Variants in ENTHD1 observed in about 807,000 individuals in gnomAD.
The protein encoded by ENTHD1 is ENTH domain-containing protein 1.
A neutral mutation model predicts 39.1 loss-of-function variants in ENTHD1; 23 were observed. The ratio of observed to expected loss-of-function variants is 0.59; its 90% confidence interval spans 0.42 to 0.83. The LOEUF is 0.83. Among genes scored for constraint, ENTHD1 ranks in the 40% least tolerant of loss-of-function variants. ENTHD1 has a pLI of 0.00. For missense variants in ENTHD1, 624 were observed against 705.4 expected (o/e 0.88, Z 1.31); for synonymous variants, 230 against 258.2 (o/e 0.89, Z 1.05).
intron 5 of ENTHD1, among the ~76,000 whole-genome samples, chr22:39,795,144 T>G (rs1026620830): frequency 6.6e-6 from 1 of 152,228 alleles, no homozygotes; most frequent in Non-Finnish European, 1.5e-5. Flanking sequence ...CTTTTTGATG[T>G]GCTGTTGGAT....
intron 5 of ENTHD1, among the ~76,000 whole-genome samples, chr22:39,803,183 C>T (rs1178264239): frequency 6.6e-6 from 1 of 152,140 alleles, no homozygotes; most frequent in Non-Finnish European, 1.5e-5. Context: ...TCTCTGATCT[C>T]TCACACCACC....
At chr22:39,744,355 T>C in intron 6 of ENTHD1, 72 bp from the exon 7 acceptor site, 3 of 1,388,478 alleles carry the variant, frequency 2.2e-6, no homozygotes, top group South Asian at 1.5e-5. Context: ...AATAATTTTA[T>C]AATGTAAAAG....
chr22:39,877,388 A>C (rs935006458), intron 2 of ENTHD1, among the ~76,000 whole-genome samples: 4 of 152,206 alleles, frequency 2.6e-5, no homozygotes, highest in African/African-American at 9.7e-5. Context: ...CTAACAAGTA[A>C]AAAGCTGAAC....
chr22:39,870,121 A>G (rs186679945), intron 2 of ENTHD1, among the ~76,000 whole-genome samples: 125 of 152,102 alleles, frequency 8.2e-4, no homozygotes, highest in African/African-American at 2.9e-3. Flanking sequence ...GGTTCAAGCA[A>G]TTCTCATGCC....
In ENTHD1 at chr22:39,791,341, G is replaced by C. The variant is rs1362797325; in HGVS notation, c.833-25732C>G. Among the ~76,000 whole-genome samples the C allele has an allele frequency of 2.7e-5, 4 of 148,656 alleles. No individual in the cohort carries two copies. In the East Asian group the frequency reaches 7.8e-4, roughly 29 times the overall value. On this transcript the variant is annotated intron_variant, in intron 5 of 6. Transcript: ENST00000325157. Reference sequence around the variant, plus strand: ...TAAAGATATATTAAATATATATAAAGATATATTAAAAATATATGAAGATAT... The same window carrying C: ...TAAAGATATATTAAATATATATAAACATATATTAAAAATATATGAAGATAT...
In ENTHD1 at chr22:39,887,456, C is replaced by T. The variant is rs780104599; in HGVS notation, c.293G>A (p.Cys98Tyr). The change falls in exon 2 of 7, where the codon TGT becomes TAT. Residue 98 changes from cysteine to tyrosine, a missense_variant. Transcript: ENST00000325157. ...AAAATCTTTTAGTGTTTGAAGGTTA[C>T]AGAACCCCTCTCTGCAATGCTGAAT... ...KVIQHCREGF[C>Y]NLQTLKDFQH... is the part of the protein sequence containing the mutation. The T allele has an allele frequency of 1.9e-6, 3 of 1,613,878 alleles. No individual in the cohort carries two copies. The highest frequency in any genetic ancestry group is 1.1e-5 in the South Asian group (1 of 91,018).
rs1330947654 is a variant in ENTHD1 at position 39,743,939 on chromosome 22, C to T, written c.1564G>A (p.Asp522Asn). The T allele has an allele frequency of 6.2e-7, 1 of 1,614,110 alleles. No homozygotes were observed. Among genetic ancestry groups the T allele is most frequent in the African/African-American group, 1.3e-5 (1 of 75,036 alleles). The stretch of plus-strand genomic sequence containing the variant: ...GAACAGGACAGAGGGATGAACTGGT[C>T]TACATTTTGGGTGGAAAACTCCCCC... Reference protein sequence around the residue: ...HWGEFSTQNVDQFIPLSCSGF... With the variant: ...HWGEFSTQNVNQFIPLSCSGF... Residue 522 changes from aspartate (D) to asparagine (N), a missense_variant, in exon 7 of 7, where the codon GAC (aspartate) becomes AAC (asparagine). Physicochemically the swap from Asp to Asn is conservative, Grantham distance 23. Coordinates refer to ENST00000325157, the MANE Select transcript of ENTHD1 (RefSeq NM_152512.4).
chr22:39,887,005 T>C (rs1391400857), intron 2 of ENTHD1, among the ~76,000 whole-genome samples: 1 of 152,194 alleles, frequency 6.6e-6, no homozygotes, highest in African/African-American at 2.4e-5. Context: ...GAAACCTAAG[T>C]GTGTTCACTT....
chr22:39,797,073 G>A (rs1183289925), intron 5 of ENTHD1, among the ~76,000 whole-genome samples: 5 of 152,136 alleles, frequency 3.3e-5, no homozygotes, highest in South Asian at 4.1e-4. Context: ...ATTTAGAATT[G>A]TTATATCCTC....
intron 3 of ENTHD1, among the ~76,000 whole-genome samples, chr22:39,844,972 G>A (rs936266697): frequency 6.6e-6 from 1 of 152,000 alleles, no homozygotes; most frequent in Non-Finnish European, 1.5e-5. Flanking sequence ...TAGGTAGAAT[G>A]AGCAGGACCT....
At chr22:39,807,388 C>G (rs1370116460) in intron 5 of ENTHD1, among the ~76,000 whole-genome samples, 1 of 152,168 alleles carries the variant, frequency 6.6e-6, no homozygotes, top group Non-Finnish European at 1.5e-5. Flanking sequence ...CACTTTCACT[C>G]TCTAAAGTGG....
At chr22:39,798,679 G>C (rs1316566476) in intron 5 of ENTHD1, among the ~76,000 whole-genome samples, 1 of 152,198 alleles carries the variant, frequency 6.6e-6, no homozygotes, top group East Asian at 1.9e-4. Context: ...AGTAGAAACA[G>C]ACACTAACGG....
intron 5 of ENTHD1, among the ~76,000 whole-genome samples, chr22:39,811,155 C>A (rs1844957036): frequency 6.6e-6 from 1 of 152,208 alleles, no homozygotes; most frequent in Admixed American, 6.5e-5. Context: ...GTCAGGATAT[C>A]CCCTCTAAAG....
chr22:39,888,460 C>T (rs2066401474), intron 1 of ENTHD1, among the ~76,000 whole-genome samples: 1 of 151,520 alleles, frequency 6.6e-6, no homozygotes, highest in Non-Finnish European at 1.5e-5. Context: ...TAGAGTCTCC[C>T]TCTGTTGCCC....
At chr22:39,753,866 T>C (rs1837770590) in intron 6 of ENTHD1, among the ~76,000 whole-genome samples, 2 of 152,204 alleles carry the variant, frequency 1.3e-5, no homozygotes, top group South Asian at 4.1e-4. Context: ...TCTCCCATTC[T>C]TTTTAACATA....
At chr22:39,876,223 T>C in intron 2 of ENTHD1, 1 of 1,224,344 alleles carries the variant, frequency 8.2e-7, no homozygotes, top group Non-Finnish European at 1.1e-6. Context: ...ATGTAAGAAT[T>C]GATGATGTAT....
At chr22:39,758,499 G>C (rs757312098) in intron 6 of ENTHD1, among the ~76,000 whole-genome samples, 1 of 152,056 alleles carries the variant, frequency 6.6e-6, no homozygotes, top group East Asian at 1.9e-4. Flanking sequence ...ATCATAGCTC[G>C]CTGCAGCCTC....
At chr22:39,787,508 G>A (rs1250924572) in intron 5 of ENTHD1, among the ~76,000 whole-genome samples, 9 of 152,132 alleles carry the variant, frequency 5.9e-5, no homozygotes, top group South Asian at 2.1e-4. Flanking sequence ...AAAAGTTCCC[G>A]AAGGAATTAA....
chr22:39,824,485 A>C (rs2065811332), intron 4 of ENTHD1, among the ~76,000 whole-genome samples: 2 of 152,092 alleles, frequency 1.3e-5, no homozygotes, highest in Admixed American at 6.5e-5. Flanking sequence ...CGGGGATTAC[A>C]GGGGTGAGCC....
Sources: allele counts gnomAD v4.1 joint callset (sites outside exome capture counted in the v4.1 genomes callset), GRCh38; gene constraint gnomAD v4.1.1; transcripts MANE v1.5; gene names NCBI Gene and HGNC (gene_info 2026-07-23, HGNC 2026-07-21).